NDUFAF6: variants seen among roughly 807,000 people sequenced by gnomAD.
NDUFAF6 encodes the protein NADH:ubiquinone oxidoreductase complex assembly factor 6, also known as NADH dehydrogenase (ubiquinone) complex I, assembly factor 6.
In NDUFAF6, 45 loss-of-function variants were observed where a neutral mutation model predicts 40.8. The observed-to-expected ratio is 1.10, with a 90% CI of 0.87 to 1.42. The LOEUF is 1.42. NDUFAF6 is among the 40% of genes most tolerant of loss of function. The probability of loss-of-function intolerance (pLI) is 0.00; values close to 1 mark genes in which losing one functional copy is unlikely to be tolerated. For synonymous variants in NDUFAF6, 185 were observed against 155.9 expected (o/e 1.19, Z -1.39); for missense variants, 435 against 418.5 (o/e 1.04, Z -0.34).
At chr8:94,987,744 A>G (rs1586912176) in intron 2 of NDUFAF6, among the ~76,000 whole-genome samples, 2 of 152,322 alleles carry the variant, frequency 1.3e-5, no homozygotes, top group East Asian at 3.9e-4. Context: ...CAAGAGATGA[A>G]TTGCAAAAAA....
At chr8:95,076,860 C>A (rs565598364), downstream of NDUFAF6, among the ~76,000 whole-genome samples, 8 of 115,480 alleles carry the variant, frequency 6.9e-5, no homozygotes, top group African/African-American at 2.8e-4. Flanking sequence ...GCAACAAGAG[C>A]GAAACTCCGT....
chr8:94,982,746 T>C (rs1825547144), intron 2 of NDUFAF6, among the ~76,000 whole-genome samples: 1 of 152,266 alleles, frequency 6.6e-6, no homozygotes, highest in Admixed American at 6.5e-5. Flanking sequence ...TGCTAGAGCA[T>C]GCATGTAATA....
intron 1 of NDUFAF6, among the ~76,000 whole-genome samples, chr8:94,904,060 G>A (rs1818205411): frequency 1.3e-5 from 2 of 152,192 alleles, no homozygotes; most frequent in Non-Finnish European, 1.5e-5. Context: ...TGTGAACTGG[G>A]CCAAGCTGTC....
intron 1 of NDUFAF6, among the ~76,000 whole-genome samples, chr8:94,909,367 A>AC (rs1319548475): frequency 1.2e-3 from 26 of 21,438 alleles, no homozygotes; most frequent in African/African-American, 2.3e-3. Context: ...AAAAAAAAAA[A>AC]AAAAAAAAAA....
At chr8:94,962,918 G>T (rs1270255520) in intron 1 of NDUFAF6, among the ~76,000 whole-genome samples, 2 of 151,844 alleles carry the variant, frequency 1.3e-5, no homozygotes, top group East Asian at 3.9e-4. Context: ...AGCCTCCTGA[G>T]TAGCTGGGAT....
chr8:94,973,414 A>G (rs1270652674), intron 1 of NDUFAF6, among the ~76,000 whole-genome samples: 1 of 152,218 alleles, frequency 6.6e-6, no homozygotes, highest in East Asian at 1.9e-4. Context: ...TATGAATCAG[A>G]AAGTGACCTT....
chr8:94,988,156 C>T (rs1826023478), intron 2 of NDUFAF6, among the ~76,000 whole-genome samples: 1 of 152,150 alleles, frequency 6.6e-6, no homozygotes. Context: ...TGTGTCCTTC[C>T]CTGAATGCAT....
chr8:94,931,294 A>G (rs994500720), intron 1 of NDUFAF6, among the ~76,000 whole-genome samples: 1 of 152,218 alleles, frequency 6.6e-6, no homozygotes, highest in Non-Finnish European at 1.5e-5. Flanking sequence ...TTTTCTAGAT[A>G]AAAAGCTATA....
At chr8:95,092,558 T>G (rs141711466) in intron 2 of NDUFAF6, among the ~76,000 whole-genome samples, 2 of 148,280 alleles carry the variant, frequency 1.3e-5, no homozygotes, top group East Asian at 4.0e-4. Flanking sequence ...TCACTAAAGC[T>G]ATTTAATATC....
At chr8:95,052,451 C>T (rs1831546100) in intron 8 of NDUFAF6, among the ~76,000 whole-genome samples, 1 of 152,128 alleles carries the variant, frequency 6.6e-6, no homozygotes, top group African/African-American at 2.4e-5. Flanking sequence ...GACTTTGCAG[C>T]CAGATTGCAT....
chr8:94,928,733 C>G (rs964318067), intron 1 of NDUFAF6: 4 of 152,242 alleles, frequency 2.6e-5, no homozygotes, highest in Non-Finnish European at 5.9e-5. Flanking sequence ...ACTCCAAACG[C>G]TCTAATCTAG....
At position 94,969,501 on chromosome 8, in the gene NDUFAF6, C is replaced by T. The variant is rs576055571; in HGVS notation, c.-199+11322C>T. 3.9e-4 allele frequency among the ~76,000 whole-genome samples: 60 copies of T among 152,200 alleles called. 1 individual carries two copies. The South Asian group carries it at 0.012, about 32-fold the overall frequency. On this transcript the variant is annotated intron_variant, in intron 1 of 9. Coordinates refer to the NDUFAF6 transcript ENST00000396111. ...GGATTTGGAAGGGAAATTAGCTGGGCCTGGTGGTGCGTGTCTGTAATCCCA... is the reference window on the plus strand; with the variant it reads ...GGATTTGGAAGGGAAATTAGCTGGGTCTGGTGGTGCGTGTCTGTAATCCCA...
At chr8:95,023,213 G>C (rs930331444), upstream of NDUFAF6, 1 of 152,204 alleles carries the variant, frequency 6.6e-6, no homozygotes, top group African/African-American at 2.4e-5. Context: ...TTGTTCTCAA[G>C]TCTAATTGGC....
downstream of NDUFAF6, among the ~76,000 whole-genome samples, chr8:95,077,719 G>A (rs1024651852): frequency 5.3e-5 from 8 of 152,168 alleles, no homozygotes; most frequent in South Asian, 4.1e-4. Context: ...TGTGGGAGAC[G>A]AGGAGTAGTG....
intron 1 of NDUFAF6, among the ~76,000 whole-genome samples, chr8:94,942,494 T>C (rs1051152911): frequency 5.9e-5 from 9 of 152,196 alleles, no homozygotes; most frequent in Non-Finnish European, 2.9e-5. Flanking sequence ...AACTGTCTAC[T>C]AGACAGTCTC....
At position 95,026,623 on chromosome 8, in the gene NDUFAF6, T is replaced by C. The variant is rs79126366; in HGVS notation, c.197+1418T>C. On this transcript the variant is annotated intron_variant, in intron 1 of 8. Coordinates refer to ENST00000396124, the MANE Select transcript of NDUFAF6 (RefSeq NM_152416.4). Reference sequence around the variant, plus strand: ...TTGCATTATTTTTATATATTTAAGTTGTTATATTTTGATGATAAAAACTTT... The same window carrying C: ...TTGCATTATTTTTATATATTTAAGTCGTTATATTTTGATGATAAAAACTTT... Among the ~76,000 whole-genome samples, 877 of 152,316 alleles carry C rather than the reference T, an allele frequency of 5.8e-3. 4 individuals carry two copies. Among genetic ancestry groups the C allele is most frequent in the African/African-American group, 0.02 (821 of 41,552 alleles).
At chr8:95,057,759 TAAGTCTTGATCA>T (rs755189842) in intron 8 of NDUFAF6, 38 bp from the exon 9 acceptor site, 2 of 1,382,800 alleles carry the variant, frequency 1.4e-6, no homozygotes, top group African/African-American at 2.9e-5. Context: ...TTTTTTTTTT[TAAGTCTTGATCA>T]TTTTATGATC....
At chr8:95,032,488 T>C (rs886663565) in intron 2 of NDUFAF6, among the ~76,000 whole-genome samples, 17 of 152,356 alleles carry the variant, frequency 1.1e-4, no homozygotes, top group Admixed American at 9.8e-4. Flanking sequence ...TTAGCTTTAA[T>C]ATCAGTAGGG....
chr8:95,108,593 T>A (rs759766685), intron 4 of NDUFAF6, among the ~76,000 whole-genome samples: 8 of 152,088 alleles, frequency 5.3e-5, no homozygotes, highest in Non-Finnish European at 1.0e-4. Flanking sequence ...GGGTAGAAAG[T>A]TTCTGCTTGG....
Sources: gnomAD v4.1 joint callset for allele counts (sites outside exome capture counted in the v4.1 genomes callset) on GRCh38, gnomAD v4.1.1 for gene constraint, MANE v1.5 for transcripts, NCBI Gene and HGNC (gene_info 2026-07-23, HGNC 2026-07-21) for gene names.